The following SAMD3 variants were observed in gnomAD, a reference collection of about 807,000 sequenced individuals.
SAMD3 encodes sterile alpha motif domain-containing protein 3.
SAMD3 carries 63 observed loss-of-function variants against 58.5 expected under a neutral mutation model. The ratio of observed to expected loss-of-function variants is 1.08; its 90% CI spans 0.88 to 1.33. The LOEUF (loss-of-function observed/expected upper bound fraction) is 1.33. Among genes scored for constraint, SAMD3 ranks in the 40% most tolerant of loss-of-function variants. The probability of loss-of-function intolerance (pLI) is 0.00; values close to 1 mark genes in which losing one functional copy is unlikely to be tolerated. For synonymous variants in SAMD3, 220 were observed against 210.3 expected (o/e 1.05, Z -0.40); for missense variants, 604 against 608.4 (o/e 0.99, Z 0.08).
chr6:130,216,873 G>A (rs753908834), intron 1 of SAMD3, among the ~76,000 whole-genome samples: 2 of 152,110 alleles, frequency 1.3e-5, no homozygotes, highest in African/African-American at 4.8e-5. Context: ...CACACTTCTG[G>A]CTTCCTTGCG....
chr6:130,357,276 C>T (rs977090818), intron 1 of SAMD3, among the ~76,000 whole-genome samples: 1 of 151,994 alleles, frequency 6.6e-6, no homozygotes, highest in African/African-American at 2.4e-5. Context: ...AGGTGCCCAC[C>T]ACCACGCCAG....
chr6:130,272,530 C>A (rs1774602086), intron 2 of SAMD3, among the ~76,000 whole-genome samples: 1 of 152,068 alleles, frequency 6.6e-6, no homozygotes, highest in Non-Finnish European at 1.5e-5. Flanking sequence ...AATTAGAGAG[C>A]CAGGAATACA....
chr6:130,333,920 T>C (rs977646041), intron 1 of SAMD3, among the ~76,000 whole-genome samples: 4 of 152,176 alleles, frequency 2.6e-5, no homozygotes, highest in African/African-American at 9.7e-5. Flanking sequence ...ACTCAGAGGA[T>C]AGCCAGACTC....
intron 8 of SAMD3, among the ~76,000 whole-genome samples, chr6:130,165,078 A>G (rs1232888026): frequency 1.3e-5 from 2 of 152,180 alleles, no homozygotes; most frequent in African/African-American, 4.8e-5. Flanking sequence ...AAATAGAACT[A>G]CTAGAAAGAT....
In SAMD3 at chr6:130,178,133, G is replaced by A. The variant is rs571183055; in HGVS notation, c.655-2125C>T. ...GGGATTACAGACATGTGCCACCACA[G>A]CCAGCTAATTTTTTGTATTTTTAGT... is the stretch of plus-strand genomic sequence containing the variant. On this transcript the variant is annotated intron_variant, in intron 7 of 11. Transcript: ENST00000439090. 7.6e-4 allele frequency among the ~76,000 whole-genome samples: 115 copies of A among 151,738 alleles called. 1 individual carries two copies. The highest frequency in any genetic ancestry group is 2.6e-3 in the African/African-American group (110 of 41,522).
intron 2 of SAMD3, among the ~76,000 whole-genome samples, chr6:130,271,192 G>A (rs2114936437): frequency 6.6e-6 from 1 of 152,042 alleles, no homozygotes; most frequent in Middle Eastern, 3.4e-3. Context: ...TAGAGACAGG[G>A]TTTCGCCATG....
At chr6:130,186,987 G>A (rs1045437793) in intron 5 of SAMD3, among the ~76,000 whole-genome samples, 3 of 151,696 alleles carry the variant, frequency 2.0e-5, no homozygotes, top group Admixed American at 1.3e-4. Context: ...GGCCAGGATG[G>A]TCTCAATCTC....
intron 2 of SAMD3, among the ~76,000 whole-genome samples, chr6:130,251,467 A>G (rs536211826): frequency 6.6e-6 from 1 of 152,020 alleles, no homozygotes; most frequent in Non-Finnish European, 1.5e-5. Flanking sequence ...ATGCAAGGAC[A>G]CAAATTTTTC....
chr6:130,264,610 A>G (rs184809754), intron 2 of SAMD3, among the ~76,000 whole-genome samples: 82 of 152,270 alleles, frequency 5.4e-4, no homozygotes, highest in African/African-American at 2.0e-3. Context: ...TTCAACTCTC[A>G]CATCTATTTA....
intron 2 of SAMD3, among the ~76,000 whole-genome samples, chr6:130,263,888 T>C (rs1774235294): frequency 1.3e-5 from 2 of 152,052 alleles, no homozygotes. Flanking sequence ...CCATAGTTGG[T>C]CCAACATTCT....
At chr6:130,361,541 G>A (rs1165458374) in intron 1 of SAMD3, among the ~76,000 whole-genome samples, 2 of 152,140 alleles carry the variant, frequency 1.3e-5, no homozygotes, top group African/African-American at 4.8e-5. Context: ...AAACATTTTA[G>A]AATTCAAGAT....
At chr6:130,291,756 TAA>T (rs1336994349) in intron 2 of SAMD3, among the ~76,000 whole-genome samples, 4 of 152,230 alleles carry the variant, frequency 2.6e-5, no homozygotes, top group South Asian at 2.1e-4. Flanking sequence ...TTTAGTGACA[TAA>T]GTGTATATTT....
intron 2 of SAMD3, chr6:130,215,914 C>T: frequency 7.4e-7 from 1 of 1,343,258 alleles, no homozygotes; most frequent in East Asian, 2.5e-5. Context: ...TGTTTCTGTC[C>T]TTCCTTCCAA....
At chr6:130,267,292 G>T (rs11154550) in intron 2 of SAMD3, among the ~76,000 whole-genome samples, 1 of 151,996 alleles carries the variant, frequency 6.6e-6, no homozygotes, top group Non-Finnish European at 1.5e-5. Context: ...AGGAGTTATA[G>T]TAGTAATAGG....
At chr6:130,192,526 AC>A (rs1438208706) in intron 5 of SAMD3, among the ~76,000 whole-genome samples, 1 of 130,352 alleles carries the variant, frequency 7.7e-6, no homozygotes, top group Non-Finnish European at 1.6e-5. Flanking sequence ...TGTGACCCCC[AC>A]TCCTGCCCAC....
intron 5 of SAMD3, among the ~76,000 whole-genome samples, chr6:130,207,310 A>G (rs1227412673): frequency 6.6e-6 from 1 of 152,198 alleles, no homozygotes; most frequent in Non-Finnish European, 1.5e-5. Context: ...AAATGGCTGT[A>G]CACCGAGTGC....
intron 2 of SAMD3, among the ~76,000 whole-genome samples, chr6:130,284,272 T>A (rs2063655): frequency 0.14 from 21,942 of 152,172 alleles, 4,177 homozygotes; most frequent in African/African-American, 0.44. Context: ...GTAATTTTTA[T>A]TAGAAGAAGG....
At chr6:130,221,793 ATGT>A (rs1205876995) in intron 1 of SAMD3, 1 of 152,226 alleles carries the variant, frequency 6.6e-6, no homozygotes, top group East Asian at 1.9e-4. Context: ...GTTCCAACAC[ATGT>A]TGTTCAAGGG....
intron 1 of SAMD3, chr6:130,221,584 GAA>G (rs1460041227): frequency 1.3e-5 from 2 of 152,106 alleles, no homozygotes; most frequent in South Asian, 2.1e-4. Flanking sequence ...TTAGAGGAAA[GAA>G]AATGTTATTA....
Sources: gnomAD v4.1 joint callset for allele counts (sites outside exome capture counted in the v4.1 genomes callset) on GRCh38, gnomAD v4.1.1 for gene constraint, MANE v1.5 for transcripts, NCBI Gene and HGNC (gene_info 2026-07-23, HGNC 2026-07-21) for gene names.